The following TP53BP2 variants were observed in gnomAD, a reference collection of about 807,000 sequenced individuals.
The protein encoded by TP53BP2 is tumor protein p53 binding protein 2, also known as apoptosis-stimulating of p53 protein 2.
In TP53BP2, 62 loss-of-function variants were observed where a neutral mutation model predicts 126.2. That is an observed-to-expected ratio of 0.49 (90% CI 0.40 to 0.61). The LOEUF (loss-of-function observed/expected upper bound fraction) is 0.61. Among genes scored for constraint, TP53BP2 ranks in the 20% least tolerant of loss-of-function variants. The pLI is 0.00. For synonymous variants in TP53BP2, 485 were observed against 502.9 expected (o/e 0.96, Z 0.48); for missense variants, 1,215 against 1,402.8 (o/e 0.87, Z 2.14).
At chr1:223,830,251 C>T (rs1469386181) in intron 1 of TP53BP2, among the ~76,000 whole-genome samples, 1 of 152,124 alleles carries the variant, frequency 6.6e-6, no homozygotes, top group Non-Finnish European at 1.5e-5. Flanking sequence ...CCAAAATGCA[C>T]CAATGTGCAT....
intron 1 of TP53BP2, among the ~76,000 whole-genome samples, chr1:223,837,684 T>C (rs1462834943): frequency 6.6e-6 from 1 of 152,146 alleles, no homozygotes; most frequent in Non-Finnish European, 1.5e-5. Context: ...TTCCTACTCT[T>C]CCCACCTTGC....
intron 13 of TP53BP2, among the ~76,000 whole-genome samples, chr1:223,793,847 G>T (rs1271294189): frequency 6.6e-6 from 1 of 152,102 alleles, no homozygotes. Flanking sequence ...CTCTCTTAAA[G>T]TGAGCAACAG....
At chr1:223,812,804 C>T (rs1662956707) in intron 3 of TP53BP2, among the ~76,000 whole-genome samples, 1 of 152,170 alleles carries the variant, frequency 6.6e-6, no homozygotes. Flanking sequence ...CTTCGTGATC[C>T]TCCCGCCTCG....
At chr1:223,815,706 C>T (rs1006051490) in intron 2 of TP53BP2, among the ~76,000 whole-genome samples, 1 of 152,234 alleles carries the variant, frequency 6.6e-6, no homozygotes, top group African/African-American at 2.4e-5. Context: ...TACTAACACT[C>T]ATGTGCCAGC....
At chr1:223,823,188 T>G (rs1446458982) in intron 1 of TP53BP2, among the ~76,000 whole-genome samples, 1 of 152,130 alleles carries the variant, frequency 6.6e-6, no homozygotes, top group Non-Finnish European at 1.5e-5. Flanking sequence ...CTACCAACAG[T>G]CACACAACTC....
intron 12 of TP53BP2, 132 bp downstream of exon 12, chr1:223,798,083 G>T: frequency 2.4e-6 from 2 of 850,644 alleles, no homozygotes; most frequent in East Asian, 2.6e-5. Context: ...TCCCAGTAAA[G>T]AACAGAAGCC....
At chr1:223,840,914 C>T (rs1228772537) in intron 1 of TP53BP2, among the ~76,000 whole-genome samples, 3 of 152,162 alleles carry the variant, frequency 2.0e-5, no homozygotes, top group Admixed American at 2.0e-4. Context: ...CGTCTTTCAG[C>T]TTTTAAGAGC....
intron 1 of TP53BP2, among the ~76,000 whole-genome samples, chr1:223,825,445 C>T (rs188855559): frequency 4.6e-4 from 70 of 152,310 alleles, no homozygotes; most frequent in African/African-American, 1.7e-3. Context: ...GCCTCTAGTT[C>T]TGTCTTTTAG....
chr1:223,845,593 GC>G, intron 1 of TP53BP2, 60 bp downstream of exon 1: 35 of 1,500,916 alleles, frequency 2.3e-5, no homozygotes, highest in Non-Finnish European at 2.9e-5. Flanking sequence ...GCGCGGACCA[GC>G]CCCCGGCACG....
Position 223,803,426 on chromosome 1 carries a change from AATT to A in TP53BP2, c.673_675del (p.Asn225del). 2 of 1,613,388 alleles carry A rather than the reference AATT, an allele frequency of 1.2e-6. No homozygotes were observed. The highest frequency in any genetic ancestry group is 2.2e-5 in the South Asian group (2 of 90,964). ...AGCTCCCTCTGTTTTTGCTGGAACA[AATT>A]ATTCATCTGTTCAATTTCCTCCACT... On this transcript the variant is annotated inframe_deletion, in exon 7 of 18. Transcript: ENST00000343537.
In TP53BP2 at chr1:223,814,301, T is replaced by A. The variant is rs1353982451; in HGVS notation, c.228A>T (p.Gly76=). The A allele has an allele frequency of 2.5e-6, 4 of 1,613,928 alleles. No homozygotes were observed. In the Middle Eastern group the frequency reaches 4.9e-4, roughly 200 times the overall value. Residue 76 remains glycine, a synonymous_variant, in exon 3 of 18, where the codon GGA becomes GGT. Transcript: ENST00000343537. ...AGAAGCGAACTTCGTTCCTCTGACT[T>A]CCAAATCGTTGAAGAACATCAAACA... ...ERMFDVLQRF[G]SQRNEVRFFL...
chr1:223,792,615 T>A, intron 14 of TP53BP2, 93 bp from the exon 15 acceptor site: 5 of 1,284,538 alleles, frequency 3.9e-6, no homozygotes, highest in Non-Finnish European at 5.4e-6. Context: ...AGGACAGAAA[T>A]GGACTCTTGT....
At chr1:223,790,238 C>A (rs972679052) in intron 15 of TP53BP2, among the ~76,000 whole-genome samples, 3 of 151,198 alleles carry the variant, frequency 2.0e-5, no homozygotes, top group Admixed American at 6.6e-5. Context: ...GGTGACACAG[C>A]AAGACTCTGT....
chr1:223,828,716 G>T (rs1663589794), intron 1 of TP53BP2, among the ~76,000 whole-genome samples: 1 of 152,180 alleles, frequency 6.6e-6, no homozygotes, highest in African/African-American at 2.4e-5. Flanking sequence ...TACGCTAAGT[G>T]ATAGAAGCCA....
At position 223,796,605 on chromosome 1, in the gene TP53BP2, A is replaced by G. The variant is rs1180940430; in HGVS notation, c.1949-15T>C. The stretch of plus-strand genomic sequence containing the variant: ...CTTACCATATACTAATTGGAAAAGG[A>G]AAAAAAAAAGCCCTCATTAGCATTA... On this transcript the variant is annotated splice_polypyrimidine_tract_variant and intron_variant, in intron 12 of 17. Transcript: ENST00000343537. This position sits in a 1 kb window ranked among gnomAD's most constrained non-coding sequence, Gnocchi z 4.2. 3.8e-6 allele frequency: 5 copies of G among 1,324,448 alleles called. No individual in the cohort carries two copies. Among genetic ancestry groups the G allele is most frequent in the Admixed American group, 5.6e-5 (2 of 35,420 alleles). The allele number at this position is 1,324,448 out of a possible 1,614,324, so 82.0% of individuals were successfully genotyped here. A position where few individuals can be genotyped will look rare whatever the true frequency, so the allele number is the denominator to read the frequency against.
intron 16 of TP53BP2, among the ~76,000 whole-genome samples, 164 bp downstream of exon 16, chr1:223,788,844 A>T (rs1662056924): frequency 6.6e-6 from 1 of 152,220 alleles, no homozygotes; most frequent in African/African-American, 2.4e-5. Flanking sequence ...AAGCATACAA[A>T]CAGAAGCTGT....
chr1:223,823,383 G>A (rs1663381462), intron 1 of TP53BP2, among the ~76,000 whole-genome samples: 1 of 152,198 alleles, frequency 6.6e-6, no homozygotes, highest in African/African-American at 2.4e-5. Flanking sequence ...GCGGACCCTT[G>A]CACTCAAGCC....
At chr1:223,804,409 A>C in intron 5 of TP53BP2, 61 bp from the exon 6 acceptor site, 1 of 1,473,398 alleles carries the variant, frequency 6.8e-7, no homozygotes, top group Admixed American at 1.8e-5. Flanking sequence ...TAAGCTCAAA[A>C]TAGCCTAACT....
chr1:223,803,941 G>T (rs1280696356), intron 6 of TP53BP2, among the ~76,000 whole-genome samples: 1 of 152,176 alleles, frequency 6.6e-6, no homozygotes, highest in Non-Finnish European at 1.5e-5. Flanking sequence ...AGAGGAACCT[G>T]CAGCATCAAA....
Sources: gnomAD v4.1 joint callset for allele counts (sites outside exome capture counted in the v4.1 genomes callset) on GRCh38, gnomAD v4.1.1 for gene constraint, Gnocchi (gnomAD v3.1) non-coding constraint, MANE v1.5 for transcripts, NCBI Gene and HGNC (gene_info 2026-07-23, HGNC 2026-07-21) for gene names.